PDGFD: variants seen among roughly 807,000 people sequenced by gnomAD.
PDGFD encodes the protein platelet derived growth factor D, also known as platelet-derived growth factor D.
Under a neutral mutation model 44.7 loss-of-function variants are expected in PDGFD, and 30 were observed. The observed-to-expected ratio is 0.67, with a 90% CI of 0.50 to 0.91. PDGFD has a LOEUF of 0.91. PDGFD is among the 40% of genes least tolerant of loss of function. The pLI is 0.00. For synonymous variants in PDGFD, 173 were observed against 168.4 expected (o/e 1.03, Z -0.21); for missense variants, 445 against 457.8 (o/e 0.97, Z 0.25).
intron 1 of PDGFD, among the ~76,000 whole-genome samples, chr11:104,160,710 G>A (rs1014996996): frequency 7.9e-5 from 12 of 152,020 alleles, no homozygotes; most frequent in Admixed American, 4.6e-4. Flanking sequence ...TCCTGGAGAC[G>A]GGCAACAAAT....
chr11:104,158,930 G>A (rs1004870911), intron 1 of PDGFD, among the ~76,000 whole-genome samples: 5 of 151,838 alleles, frequency 3.3e-5, no homozygotes, highest in Non-Finnish European at 7.4e-5. Context: ...CGAGGCGGGT[G>A]GATCACGAGG....
At chr11:103,986,104 T>A (rs1425091227) in intron 3 of PDGFD, among the ~76,000 whole-genome samples, 1 of 152,144 alleles carries the variant, frequency 6.6e-6, no homozygotes, top group African/African-American at 2.4e-5. Context: ...TGAGTGGAGG[T>A]TAGCCTTAAT....
intron 1 of PDGFD, among the ~76,000 whole-genome samples, chr11:104,154,004 T>C (rs1280139406): frequency 2.0e-5 from 3 of 152,036 alleles, no homozygotes; most frequent in Non-Finnish European, 2.9e-5. Context: ...ACAAAGGGTA[T>C]CCAACAATAT....
At chr11:104,024,757 G>A (rs1365842177) in intron 1 of PDGFD, among the ~76,000 whole-genome samples, 2 of 152,190 alleles carry the variant, frequency 1.3e-5, no homozygotes, top group African/African-American at 4.8e-5. Context: ...GTGCATGACT[G>A]TACTGTCAAA....
At chr11:104,082,927 G>A (rs1861067713) in intron 1 of PDGFD, among the ~76,000 whole-genome samples, 1 of 152,086 alleles carries the variant, frequency 6.6e-6, no homozygotes, top group South Asian at 2.1e-4. Context: ...CCACAAATAA[G>A]TTTTAAGAAC....
Position 103,947,513 on chromosome 11 carries a change from T to G in PDGFD, c.573+149A>C, listed in dbSNP as rs978524584. ...AAAGGGTTTCTGACATAATCCATTG[T>G]AACCTGAATGAAATGGAGAAACACA... On this transcript the variant is annotated intron_variant, in intron 4 of 6. Transcript: ENST00000393158. 3 of 650,196 alleles carry G rather than the reference T, an allele frequency of 4.6e-6. No homozygotes were observed. In the East Asian group the frequency reaches 8.3e-5, roughly 18 times the overall value. 40.3% of individuals were successfully genotyped at this position (650,196 alleles called of 1,614,324 possible).
At chr11:103,987,530 G>C (rs914034127) in intron 3 of PDGFD, among the ~76,000 whole-genome samples, 4 of 152,160 alleles carry the variant, frequency 2.6e-5, no homozygotes, top group African/African-American at 9.7e-5. Flanking sequence ...AAGCATCCTT[G>C]AGTCTGAATT....
intron 1 of PDGFD, among the ~76,000 whole-genome samples, chr11:104,088,976 T>TA (rs1435510914): frequency 6.6e-6 from 1 of 151,944 alleles, no homozygotes; most frequent in Non-Finnish European, 1.5e-5. Flanking sequence ...ACAAAAGAAT[T>TA]ATACTGCTTT....
intron 1 of PDGFD, among the ~76,000 whole-genome samples, chr11:104,095,377 G>A (rs916156703): frequency 6.6e-6 from 1 of 151,748 alleles, no homozygotes; most frequent in African/African-American, 2.4e-5. Flanking sequence ...ACAATATTTT[G>A]ATTATTGAAA....
intron 3 of PDGFD, among the ~76,000 whole-genome samples, chr11:103,958,069 GATTA>G (rs1033282287): frequency 2.3e-4 from 35 of 151,988 alleles, no homozygotes; most frequent in Non-Finnish European, 3.4e-4. Context: ...AAAACTCTGT[GATTA>G]ATTATTTTGC....
chr11:103,973,138 C>CTTTT (rs555810765), intron 3 of PDGFD, among the ~76,000 whole-genome samples: 1 of 134,416 alleles, frequency 7.4e-6, no homozygotes, highest in Non-Finnish European at 1.6e-5. Flanking sequence ...AAAGTGGTCA[C>CTTTT]TTTTTTTTTT....
At chr11:104,082,259 G>A (rs7114080) in intron 1 of PDGFD, among the ~76,000 whole-genome samples, 59,621 of 150,234 alleles carry the variant, frequency 0.4, 12,189 homozygotes, top group East Asian at 0.56. Context: ...TTTTCTGATG[G>A]TATTAGATAA....
At chr11:104,090,457 C>CA (rs61371463) in intron 1 of PDGFD, among the ~76,000 whole-genome samples, 10,061 of 137,354 alleles carry the variant, frequency 0.073, 405 homozygotes, top group African/African-American at 0.13. Context: ...CTGTCTCTAC[C>CA]AAAAAAAAAA....
chr11:103,952,376 C>G (rs1386125884), intron 3 of PDGFD, among the ~76,000 whole-genome samples: 1 of 152,232 alleles, frequency 6.6e-6, no homozygotes, highest in Non-Finnish European at 1.5e-5. Flanking sequence ...TAACTCTCTA[C>G]TAGCTCCTAG....
chr11:104,139,136 TTGA>T (rs1473041390), intron 1 of PDGFD, among the ~76,000 whole-genome samples: 1 of 149,200 alleles, frequency 6.7e-6, no homozygotes, highest in African/African-American at 2.5e-5. Context: ...ATCTTCCCAT[TTGA>T]TAATTCATTT....
chr11:103,957,119 A>G (rs1232129400), intron 3 of PDGFD, among the ~76,000 whole-genome samples: 1 of 152,154 alleles, frequency 6.6e-6, no homozygotes, highest in Non-Finnish European at 1.5e-5. Flanking sequence ...TGTTTTAGAC[A>G]TGAAGTCCTT....
At position 103,999,306 on chromosome 11, in the gene PDGFD, T is replaced by C. The variant is rs1335845558; in HGVS notation, c.329+745A>G. Among the ~76,000 whole-genome samples, 9 of 148,778 alleles carry C rather than the reference T, an allele frequency of 6.0e-5. No homozygotes were observed. The East Asian group carries it at 1.4e-3, about 23-fold the overall frequency. On this transcript the variant is annotated intron_variant, in intron 2 of 6. Coordinates refer to ENST00000393158, the MANE Select transcript of PDGFD (RefSeq NM_025208.5). ...TGCAGAACAAGTGTGTGCAGTAAAG[T>C]ACAAAAAAGAAAAAAAAAATCTTCC... is the stretch of plus-strand genomic sequence containing the variant.
chr11:103,992,608 G>C, intron 3 of PDGFD, among the ~76,000 whole-genome samples: 1 of 152,320 alleles, frequency 6.6e-6, no homozygotes, highest in African/African-American at 2.4e-5. Flanking sequence ...GTCCCATATG[G>C]CTATGCTGCC....
intron 1 of PDGFD, among the ~76,000 whole-genome samples, chr11:104,021,294 A>T (rs1259385221): frequency 6.6e-6 from 1 of 152,172 alleles, no homozygotes; most frequent in Non-Finnish European, 1.5e-5. Flanking sequence ...AAAAGAGGCC[A>T]ATTTTAAGTG....
Sources: allele counts gnomAD v4.1 joint callset (sites outside exome capture counted in the v4.1 genomes callset), GRCh38; gene constraint gnomAD v4.1.1; transcripts MANE v1.5; gene names NCBI Gene and HGNC (gene_info 2026-07-23, HGNC 2026-07-21).